TRIOBP: variants seen among roughly 807,000 people sequenced by gnomAD.
TRIOBP encodes the protein TRIO and F-actin-binding protein.
A neutral mutation model predicts 238.8 loss-of-function variants in TRIOBP; 169 were observed. The ratio of observed to expected loss-of-function variants is 0.71; its 90% CI spans 0.62 to 0.80. TRIOBP has a LOEUF of 0.80. TRIOBP is among the 30% of genes least tolerant of loss of function. The pLI is 0.00. For synonymous variants in TRIOBP, 1,150 were observed against 1,274.4 expected (o/e 0.90, Z 2.08); for missense variants, 2,838 against 3,122.6 (o/e 0.91, Z 2.17).
intron 6 of TRIOBP, among the ~76,000 whole-genome samples, chr22:37,718,902 A>AGTG (rs1364410832): frequency 7.5e-6 from 1 of 132,508 alleles, no homozygotes; most frequent in African/African-American, 2.9e-5. Context: ...GCTGGAGTGC[A>AGTG]GTGGCGCGAT....
chr22:37,710,388 T>G lies in TRIOBP; in HGVS notation c.115-39T>G, dbSNP rs570925337. ...GTGCAGGGGGAGGGGAGCCCCCACG[T>G]GGGCGCTGAGCTGTCTCCTCTCTCC... On this transcript the variant is annotated intron_variant, in intron 3 of 23. Transcript: ENST00000644935. The G allele has an allele frequency of 6.2e-6, 10 of 1,611,164 alleles. No homozygotes were observed. The South Asian group carries it at 1.1e-4, about 18-fold the overall frequency.
chr22:37,726,607 C>A, intron 7 of TRIOBP, 104 bp downstream of exon 7: 2 of 1,221,048 alleles, frequency 1.6e-6, no homozygotes, highest in Non-Finnish European at 2.2e-6. Context: ...ATCCCCCTGG[C>A]TTGCCATTTA....
intron 2 of TRIOBP, 96 bp from the exon 3 acceptor site, chr22:37,701,210 C>A: frequency 1.5e-6 from 1 of 657,836 alleles, no homozygotes; most frequent in South Asian, 1.6e-5. Context: ...ACCTTATTTC[C>A]TTGGTCCTTG....
At chr22:37,716,502 T>C (rs1393490622) in intron 6 of TRIOBP, among the ~76,000 whole-genome samples, 1 of 152,098 alleles carries the variant, frequency 6.6e-6, no homozygotes, top group Non-Finnish European at 1.5e-5. Flanking sequence ...CCCTCTTGGC[T>C]CACTGCAACC....
chr22:37,755,517 A>G lies in TRIOBP; in HGVS notation c.5578-33A>G, dbSNP rs756398597. On this transcript the variant is annotated intron_variant, in intron 14 of 23. Coordinates refer to ENST00000644935, the MANE Select transcript of TRIOBP (RefSeq NM_001039141.3). ...TGGGGAGGGAGTCATGCGGCTGGCC[A>G]TGTGGCAACCTACCCATGCGGTGGC... 3 of 1,593,468 alleles carry G rather than the reference A, an allele frequency of 1.9e-6. No individual in the cohort carries two copies. The South Asian group carries it at 3.3e-5, about 18-fold the overall frequency.
chr22:37,711,453 C>T (rs1474896809), intron 4 of TRIOBP, among the ~76,000 whole-genome samples: 8 of 151,818 alleles, frequency 5.3e-5, no homozygotes, highest in Admixed American at 3.3e-4. Context: ...GTGGCAGGTG[C>T]CTGTAATCCC....
chr22:37,739,007 T>C (rs1212374475), intron 10 of TRIOBP, among the ~76,000 whole-genome samples: 3 of 152,072 alleles, frequency 2.0e-5, no homozygotes, highest in Non-Finnish European at 4.4e-5. Flanking sequence ...AAATGATGGT[T>C]TGGCCCCAGT....
intron 2 of TRIOBP, among the ~76,000 whole-genome samples, chr22:37,700,622 C>T (rs926006599): frequency 2.6e-5 from 4 of 151,980 alleles, no homozygotes; most frequent in Non-Finnish European, 4.4e-5. Flanking sequence ...TCGCCAGTTG[C>T]CCAGGATGGT....
rs564470604 is a variant in TRIOBP at position 37,747,627 on chromosome 22, G to T, written c.5323-4145G>T. ...TTTCTGTCAGGAGCAGAAGGGATGTGGGGGGAGGAGCTGAGTCAGTGTCCT... is the reference window on the plus strand; with the variant it reads ...TTTCTGTCAGGAGCAGAAGGGATGTTGGGGGAGGAGCTGAGTCAGTGTCCT... On this transcript the variant is annotated intron_variant, in intron 11 of 23. Coordinates refer to ENST00000644935, the MANE Select transcript of TRIOBP (RefSeq NM_001039141.3). Among the ~76,000 whole-genome samples, 6 of 152,324 alleles carry T rather than the reference G, an allele frequency of 3.9e-5. No homozygotes were observed. The East Asian group carries it at 5.8e-4, about 15-fold the overall frequency.
At chr22:37,702,349 G>A (rs894736336) in intron 3 of TRIOBP, among the ~76,000 whole-genome samples, 3 of 151,768 alleles carry the variant, frequency 2.0e-5, no homozygotes, top group African/African-American at 7.3e-5. Context: ...GATTACAGGT[G>A]CCTGCCACCA....
chr22:37,702,007 G>A (rs1922676363), intron 3 of TRIOBP, among the ~76,000 whole-genome samples: 2 of 152,068 alleles, frequency 1.3e-5, no homozygotes, highest in South Asian at 4.1e-4. Flanking sequence ...GGAGGCTGAG[G>A]CAGGAGAATC....
chr22:37,732,220 C>A (rs183693890), intron 7 of TRIOBP, among the ~76,000 whole-genome samples: 2 of 152,142 alleles, frequency 1.3e-5, no homozygotes, highest in African/African-American at 4.8e-5. Context: ...AGAGATACCA[C>A]GTTAATCATT....
intron 13 of TRIOBP, 52 bp downstream of exon 13, chr22:37,755,036 G>A (rs1280105265): frequency 6.2e-7 from 1 of 1,611,070 alleles, no homozygotes; most frequent in East Asian, 2.2e-5. Context: ...GGGTGGCCTG[G>A]CTGGGTTCAC....
At chr22:37,716,050 T>C in intron 6 of TRIOBP, 116 bp downstream of exon 6, 2 of 1,061,364 alleles carry the variant, frequency 1.9e-6, no homozygotes, top group Non-Finnish European at 2.8e-6. Context: ...TGAGTGTTAA[T>C]AATAGTAACA....
rs575148058 is a variant in TRIOBP at position 37,733,558 on chromosome 22, T to A, written c.4062+146T>A. The A allele has an allele frequency of 5.7e-5, 38 of 669,060 alleles. No homozygotes were observed. The African/African-American group carries it at 6.6e-4, about 12-fold the overall frequency. The allele number at this position is 669,060 out of a possible 1,614,324, so 41.4% of individuals were successfully genotyped here. A position where few individuals can be genotyped will look rare whatever the true frequency, so the allele number is the denominator to read the frequency against. ...CAATCATGGGGATCCAGCTCTCCCCTCTCCCCAACGGCCAGCAGCTCTTGG... is the reference window on the plus strand; with the variant it reads ...CAATCATGGGGATCCAGCTCTCCCCACTCCCCAACGGCCAGCAGCTCTTGG... On this transcript the variant is annotated intron_variant, in intron 8 of 23. Coordinates refer to ENST00000644935, the MANE Select transcript of TRIOBP (RefSeq NM_001039141.3).
chr22:37,725,657 A>G lies in TRIOBP; in HGVS notation c.3101A>G (p.Gln1034Arg). The change falls in exon 7 of 24, where the codon CAG (glutamine) becomes CGG (arginine). Residue 1034 changes from glutamine (Q) to arginine (R), a missense_variant. Gln to Arg is a conservative substitution (Grantham distance 43, BLOSUM62 1). Around this residue, in one of 5 missense-constraint regions of TRIOBP, gnomAD observed 2,096 missense variants for 2,137.4 expected, o/e 0.98. Transcript: ENST00000644935. ...GCCTCTTCGCCCCCTCGCTATTTGCAGCACGACCCCTTCCCCTTCTTCCCA... is the reference window on the plus strand; with the variant it reads ...GCCTCTTCGCCCCCTCGCTATTTGCGGCACGACCCCTTCCCCTTCTTCCCA... ...PRASSPPRYL[Q>R]HDPFPFFPEP... The G allele has an allele frequency of 6.3e-7, 1 of 1,599,112 alleles. No homozygotes were observed. The highest frequency in any genetic ancestry group is 8.5e-7 in the Non-Finnish European group (1 of 1,174,104).
chr22:37,715,639 G>A (rs1923473056), intron 5 of TRIOBP, 124 bp from the exon 6 acceptor site: 2 of 1,160,462 alleles, frequency 1.7e-6, no homozygotes, highest in Admixed American at 4.0e-5. Flanking sequence ...CACAGCGCCT[G>A]GCCAGGGAAG....
At chr22:37,746,283 C>T in intron 11 of TRIOBP, 2 of 1,084,646 alleles carry the variant, frequency 1.8e-6, no homozygotes, top group Non-Finnish European at 2.2e-6. Context: ...AAAGGAAGGG[C>T]CGGAGGCGCG....
At chr22:37,756,322 G>T (rs749664198) in intron 15 of TRIOBP, among the ~76,000 whole-genome samples, 1 of 152,098 alleles carries the variant, frequency 6.6e-6, no homozygotes, top group African/African-American at 2.4e-5. Context: ...TCAGCTGGCC[G>T]TGGTAGGGTG....
Sources: gnomAD v4.1 joint callset for allele counts (sites outside exome capture counted in the v4.1 genomes callset) on GRCh38, gnomAD v4.1.1 for gene constraint, gnomAD v4.1.1 regional missense constraint, MANE v1.5 for transcripts, NCBI Gene and HGNC (gene_info 2026-07-23, HGNC 2026-07-21) for gene names.